Variants in NEMF observed in about 807,000 individuals in gnomAD.
NEMF encodes the protein nuclear export mediator factor, also known as ribosome quality control complex subunit NEMF.
In NEMF, 89 loss-of-function variants were observed where a neutral mutation model predicts 162.2. That is an observed-to-expected ratio of 0.55 (90% CI 0.46 to 0.65). The LOEUF (loss-of-function observed/expected upper bound fraction) is 0.65. NEMF is among the 30% of genes least tolerant of loss of function. The probability of loss-of-function intolerance (pLI) is 0.00; values close to 1 mark genes in which losing one functional copy is unlikely to be tolerated. For synonymous variants in NEMF, 421 were observed against 404.5 expected (o/e 1.04, Z -0.49); for missense variants, 1,133 against 1,261.9 (o/e 0.90, Z 1.55).
intron 16 of NEMF, among the ~76,000 whole-genome samples, chr14:49,822,835 C>G (rs1892148244): frequency 6.6e-6 from 1 of 151,920 alleles, no homozygotes; most frequent in Non-Finnish European, 1.5e-5. Context: ...AAGAGATTAA[C>G]TTCTGGTCTC....
chr14:49,803,819 C>T (rs539104534), intron 19 of NEMF, among the ~76,000 whole-genome samples: 8 of 151,952 alleles, frequency 5.3e-5, no homozygotes, highest in South Asian at 2.1e-4. Flanking sequence ...CCACTATGCC[C>T]GGCAATAATT....
At position 49,846,179 on chromosome 14, in the gene NEMF, A is replaced by C. The variant is rs1893491154; in HGVS notation, c.318T>G (p.Asp106Glu). 8.1e-6 allele frequency: 13 copies of C among 1,613,832 alleles called. No individual in the cohort carries two copies. Among genetic ancestry groups the C allele is most frequent in the Non-Finnish European group, 1.1e-5 (13 of 1,179,778 alleles). ...DRIVDFQFGS[D>E]EAAYHLIIEL... ...CAATGATTAAATGGTAAGCAGCTTC[A>C]TCACTTCCAAATTGAAAATCTACAA... The change falls in exon 4 of 33, where the codon GAT becomes GAG. Residue 106 changes from aspartate to glutamate, a missense_variant. Physicochemically the swap from Asp to Glu is conservative, Grantham distance 45. Around this residue, in one of 3 missense-constraint regions of NEMF, gnomAD observed 582 missense variants for 631.5 expected, o/e 0.92. Transcript: ENST00000298310.
chr14:49,818,602 T>C (rs559287381), intron 16 of NEMF, among the ~76,000 whole-genome samples: 6 of 152,164 alleles, frequency 3.9e-5, no homozygotes, highest in African/African-American at 7.2e-5. Flanking sequence ...CTAATTCCTG[T>C]TCCATTTCCT....
Position 49,783,111 on chromosome 14 carries a change from A to G in NEMF, c.*1525T>C. 5.1e-6 allele frequency: 3 copies of G among 586,828 alleles called. No homozygotes were observed. Among genetic ancestry groups the G allele is most frequent in the Middle Eastern group, 4.4e-4 (1 of 2,286 alleles). The allele number at this position is 586,828 out of a possible 1,614,324, so 36.4% of individuals were successfully genotyped here. ...CCTAGAGAACCTATTTTTGTGTCTA[A>G]AGTTTACAATAAATGTATTTAACAC... is the stretch of plus-strand genomic sequence containing the variant. On this transcript the variant is annotated 3_prime_UTR_variant, in exon 33 of 33. Coordinates refer to ENST00000298310, the MANE Select transcript of NEMF (RefSeq NM_004713.6).
In NEMF at chr14:49,852,773, T is replaced by C. The variant is rs368256677; in HGVS notation, c.-20A>G. ...CTTCATGGCGAGGCCCGAGGGTCAC[T>C]ACCGCAAGTTCCTCTACTGCCCGGC... On this transcript the variant is annotated 5_prime_UTR_variant, in exon 1 of 33. Coordinates refer to ENST00000298310, the MANE Select transcript of NEMF (RefSeq NM_004713.6). 1.4e-5 allele frequency: 23 copies of C among 1,613,900 alleles called. No homozygotes were observed. The highest frequency in any genetic ancestry group is 4.0e-5 in the African/African-American group (3 of 74,952).
chr14:49,838,830 C>T (rs1197251966), intron 5 of NEMF, among the ~76,000 whole-genome samples: 1 of 152,092 alleles, frequency 6.6e-6, no homozygotes, highest in Non-Finnish European at 1.5e-5. Flanking sequence ...GTGATCCGCC[C>T]ACCTTGGCCT....
intron 15 of NEMF, among the ~76,000 whole-genome samples, chr14:49,827,712 C>T (rs1410132978): frequency 6.6e-6 from 1 of 151,960 alleles, no homozygotes; most frequent in African/African-American, 2.4e-5. Context: ...ACTTAGGAGG[C>T]TGAGGTGGGA....
At chr14:49,805,494 C>G (rs1408088752) in intron 19 of NEMF, among the ~76,000 whole-genome samples, 1 of 79,432 alleles carries the variant, frequency 1.3e-5, no homozygotes, top group East Asian at 3.5e-4. Context: ...GAAACCTCAT[C>G]TCTATAAAGA....
chr14:49,819,404 T>C (rs1891883273), intron 16 of NEMF, among the ~76,000 whole-genome samples: 1 of 150,536 alleles, frequency 6.6e-6, no homozygotes, highest in South Asian at 2.1e-4. Flanking sequence ...TATATATATA[T>C]ATATATATAT....
intron 25 of NEMF, among the ~76,000 whole-genome samples, chr14:49,798,784 C>T (rs554944523): frequency 2.6e-5 from 4 of 152,102 alleles, no homozygotes; most frequent in African/African-American, 9.6e-5. Flanking sequence ...GTGGGCGCCT[C>T]TAGTCCCAGC....
intron 16 of NEMF, chr14:49,820,117 A>G (rs2139926765): frequency 4.3e-6 from 1 of 230,704 alleles, no homozygotes; most frequent in East Asian, 1.5e-4. Context: ...ACACCTGGCT[A>G]ATTTTTGTAT....
chr14:49,847,232 C>A (rs1024753008), intron 3 of NEMF, among the ~76,000 whole-genome samples: 3 of 151,754 alleles, frequency 2.0e-5, no homozygotes, highest in African/African-American at 7.3e-5. Flanking sequence ...GACGGAGTCT[C>A]ACTTTGTCAC....
chr14:49,850,607 A>G (rs1252897337), intron 3 of NEMF, among the ~76,000 whole-genome samples: 2 of 152,318 alleles, frequency 1.3e-5, no homozygotes, highest in Middle Eastern at 3.4e-3. Flanking sequence ...TTACATCAAT[A>G]AAAGAATGGG....
chr14:49,852,682 T>TG lies in NEMF; in HGVS notation c.59+12_59+13insC. 6.2e-7 allele frequency: 1 copy of TG among 1,614,126 alleles called. No homozygotes were observed. The highest frequency in any genetic ancestry group is 1.6e-4 in the Middle Eastern group (1 of 6,062). ...CACTCCCCACACGAGCCTCGTCACTTAGGGTACTGTACCTAGCATTCAGCT... is the reference window on the plus strand; with the variant it reads ...CACTCCCCACACGAGCCTCGTCACTTGAGGGTACTGTACCTAGCATTCAGCT... On this transcript the variant is annotated intron_variant, in intron 1 of 32. Coordinates refer to ENST00000298310, the MANE Select transcript of NEMF (RefSeq NM_004713.6).
At chr14:49,786,591 A>C in intron 29 of NEMF, 127 bp downstream of exon 29, 1 of 845,552 alleles carries the variant, frequency 1.2e-6, no homozygotes, top group Admixed American at 2.4e-5. Context: ...TAAGACCCCG[A>C]AAGTTTGACT....
intron 18 of NEMF, among the ~76,000 whole-genome samples, chr14:49,807,216 A>C (rs1186523421): frequency 2.6e-5 from 4 of 152,260 alleles, no homozygotes; most frequent in Non-Finnish European, 5.9e-5. Flanking sequence ...ACATATAAGT[A>C]CTTCTGTTCT....
In NEMF at chr14:49,812,648, CTT is replaced by C. The variant is rs1891532710; in HGVS notation, c.1744+1338_1744+1339del. 2.0e-5 allele frequency among the ~76,000 whole-genome samples: 3 copies of C among 152,258 alleles called. No individual in the cohort carries two copies. In the South Asian group the frequency reaches 6.2e-4, roughly 32 times the overall value. ...TTTGTGGCATCTTTTGTGATTTCCTCTTTGTTCCATTGCTTATTTATAACTGT... is the reference window on the plus strand; with the variant it reads ...TTTGTGGCATCTTTTGTGATTTCCTCTGTTCCATTGCTTATTTATAACTGT... On this transcript the variant is annotated intron_variant, in intron 18 of 32. Transcript: ENST00000298310.
At chr14:49,799,235 G>GAAAAAAAAAAAAAAAAAAAAAAA (rs1402728880) in intron 25 of NEMF, among the ~76,000 whole-genome samples, 1 of 54,960 alleles carries the variant, frequency 1.8e-5, no homozygotes. Context: ...AAAAAAAAAG[G>GAAAAAAAAAAAAAAAAAAAAAAA]AAAATGTTAA....
chr14:49,794,909 G>A (rs960395650), intron 26 of NEMF, among the ~76,000 whole-genome samples: 4 of 151,928 alleles, frequency 2.6e-5, no homozygotes, highest in Admixed American at 1.3e-4. Flanking sequence ...AGTAGAGATA[G>A]GGTTCACCAT....
Sources: allele counts gnomAD v4.1 joint callset (sites outside exome capture counted in the v4.1 genomes callset), GRCh38; gene constraint gnomAD v4.1.1; regional missense constraint gnomAD v4.1.1; transcripts MANE v1.5; gene names NCBI Gene and HGNC (gene_info 2026-07-23, HGNC 2026-07-21).